DTNA: variants seen among roughly 807,000 people sequenced by gnomAD.
DTNA encodes the protein dystrobrevin alpha, also known as dystrophin-related protein 3.
DTNA carries 43 observed loss-of-function variants against 100.7 expected under a neutral mutation model. That is an observed-to-expected ratio of 0.43 (90% CI 0.33 to 0.55). DTNA has a LOEUF of 0.55. DTNA is among the 20% of genes least tolerant of loss of function. DTNA has a pLI of 0.04. For synonymous variants in DTNA, 349 were observed against 347.9 expected, an observed-to-expected ratio of 1.00 and a Z score of -0.04; for missense variants, 798 against 953.9, an observed-to-expected ratio of 0.84 and a Z score of 2.15.
intron 1 of DTNA, among the ~76,000 whole-genome samples, chr18:34,661,034 C>T (rs2075110037): frequency 6.6e-6 from 1 of 152,172 alleles, no homozygotes; most frequent in Admixed American, 6.5e-5. Context: ...CAGAGTTTGA[C>T]TCTTTTGTCA....
rs1054018483 is a variant in DTNA at position 34,772,244 on chromosome 18, A to G, written c.148+6203A>G. The stretch of plus-strand genomic sequence containing the variant: ...CAAAGAGGAGAAAAGGTCTATAATT[A>G]TATCTCGGCTGTCAGAGTTTCTCAA... On this transcript the variant is annotated intron_variant, in intron 3 of 22. Transcript: ENST00000444659. 2.0e-5 allele frequency among the ~76,000 whole-genome samples: 3 copies of G among 152,194 alleles called. No individual in the cohort carries two copies. In the East Asian group the frequency reaches 5.8e-4, roughly 29 times the overall value.
At position 34,888,357 on chromosome 18, in the gene DTNA, C is replaced by G. The variant is rs937492915; in HGVS notation, c.*623C>G. 2 of 985,588 alleles carry G rather than the reference C, an allele frequency of 2.0e-6. No individual in the cohort carries two copies. Among genetic ancestry groups the G allele is most frequent in the African/African-American group, 1.7e-5 (1 of 57,164 alleles). The allele number at this position is 985,588 out of a possible 1,614,324, so 61.1% of individuals were successfully genotyped here. ...TTCCTGAGTGTACAAACTCAGAGCC[C>G]GGAAGCCAAGAAGGGTCCTTGGCCT... On this transcript the variant is annotated 3_prime_UTR_variant, in exon 23 of 23. Coordinates refer to ENST00000444659, the MANE Select transcript of DTNA (RefSeq NM_001386795.1).
chr18:34,536,768 A>G (rs1249543153), intron 1 of DTNA, among the ~76,000 whole-genome samples: 2 of 152,066 alleles, frequency 1.3e-5, no homozygotes, highest in Admixed American at 6.6e-5. Context: ...AATTAAATAA[A>G]TAAAAACCCA....
chr18:34,537,045 C>T (rs1293413282), intron 1 of DTNA, among the ~76,000 whole-genome samples: 1 of 151,938 alleles, frequency 6.6e-6, no homozygotes, highest in African/African-American at 2.4e-5. Flanking sequence ...TTCTCCTTTG[C>T]TCTCTTGAAG....
At chr18:34,793,936 A>G (rs985253594) in intron 3 of DTNA, 101 bp from the exon 4 acceptor site, 3 of 1,231,978 alleles carry the variant, frequency 2.4e-6, no homozygotes, top group Non-Finnish European at 3.5e-6. Context: ...AGCTGCACAC[A>G]TGTGAGATAC....
chr18:34,607,809 A>G (rs2053441102), intron 1 of DTNA, among the ~76,000 whole-genome samples: 1 of 152,246 alleles, frequency 6.6e-6, no homozygotes, highest in South Asian at 2.1e-4. Context: ...CATTCACACA[A>G]TCCACTTTAT....
chr18:34,742,241 A>T (rs2090776924), intron 1 of DTNA, among the ~76,000 whole-genome samples: 1 of 152,180 alleles, frequency 6.6e-6, no homozygotes, highest in Non-Finnish European at 1.5e-5. Context: ...CTAACAAATA[A>T]CTACAAATGT....
chr18:34,835,790 G>A (rs1041307755), intron 11 of DTNA, among the ~76,000 whole-genome samples: 2 of 152,184 alleles, frequency 1.3e-5, no homozygotes, highest in Non-Finnish European at 2.9e-5. Context: ...TGTGGTTGAC[G>A]TTCCTGTGTT....
intron 1 of DTNA, among the ~76,000 whole-genome samples, chr18:34,583,503 A>G (rs779046506): frequency 7.2e-5 from 11 of 152,150 alleles, no homozygotes; most frequent in Non-Finnish European, 1.3e-4. Context: ...AGGAACTGCT[A>G]TAATGACAAC....
chr18:34,550,478 A>C (rs1330801838), intron 1 of DTNA, among the ~76,000 whole-genome samples: 2 of 152,164 alleles, frequency 1.3e-5, no homozygotes, highest in Admixed American at 6.5e-5. Context: ...CAGCTGTGTC[A>C]CATCAGGGTG....
intron 1 of DTNA, among the ~76,000 whole-genome samples, chr18:34,726,844 G>GTAGTGCCCTGGTGAGGACGCTGT (rs1296597795): frequency 6.6e-6 from 1 of 152,216 alleles, no homozygotes; most frequent in Non-Finnish European, 1.5e-5. Flanking sequence ...GCTCCACTAG[G>GTAGTGCCCTGGTGAGGACGCTGT]TAGTGCCCTG....
intron 3 of DTNA, among the ~76,000 whole-genome samples, chr18:34,769,486 G>A (rs1424213226): frequency 6.6e-6 from 1 of 152,128 alleles, no homozygotes; most frequent in Non-Finnish European, 1.5e-5. Flanking sequence ...GAAACAAAAT[G>A]TAGGTAGCAT....
chr18:34,838,635 T>G (rs2096204417), intron 12 of DTNA, 110 bp from the exon 13 acceptor site: 1 of 872,130 alleles, frequency 1.1e-6, no homozygotes, highest in Admixed American at 1.7e-5. Flanking sequence ...TTCCTTTACC[T>G]GCTTGGTTTT....
intron 1 of DTNA, among the ~76,000 whole-genome samples, chr18:34,604,118 A>C (rs1051870058): frequency 2.6e-5 from 4 of 152,170 alleles, no homozygotes; most frequent in Non-Finnish European, 4.4e-5. Flanking sequence ...AACTCCATTC[A>C]AAGAAAATCC....
intron 3 of DTNA, chr18:34,767,480 T>G (rs1408556890): frequency 1.3e-5 from 2 of 152,254 alleles, no homozygotes; most frequent in African/African-American, 4.8e-5. Context: ...TTTCATTTTC[T>G]GTGGCTTATA....
intron 1 of DTNA, among the ~76,000 whole-genome samples, chr18:34,720,957 T>C (rs1200439699): frequency 6.6e-6 from 1 of 152,238 alleles, no homozygotes; most frequent in Non-Finnish European, 1.5e-5. Flanking sequence ...TAGTTGGTTA[T>C]CTGGAGAAGT....
intron 3 of DTNA, among the ~76,000 whole-genome samples, chr18:34,787,040 C>A (rs538450798): frequency 5.0e-4 from 76 of 152,148 alleles, no homozygotes; most frequent in African/African-American, 1.6e-3. Flanking sequence ...TGTGTGGGAG[C>A]CTAAGAGATG....
chr18:34,844,361 T>G (rs1220892686), intron 13 of DTNA, among the ~76,000 whole-genome samples: 2 of 152,118 alleles, frequency 1.3e-5, no homozygotes, highest in Non-Finnish European at 2.9e-5. Flanking sequence ...GAGAGTTAGT[T>G]TCTTTCCCCA....
chr18:34,819,421 AT>A (rs1185044065), intron 8 of DTNA, among the ~76,000 whole-genome samples: 1 of 152,216 alleles, frequency 6.6e-6, no homozygotes, highest in African/African-American at 2.4e-5. Flanking sequence ...ACTGTTGTTT[AT>A]GTCATGCTGA....
Sources: allele counts gnomAD v4.1 joint callset (sites outside exome capture counted in the v4.1 genomes callset), GRCh38; gene constraint gnomAD v4.1.1; transcripts MANE v1.5; gene names NCBI Gene and HGNC (gene_info 2026-07-23, HGNC 2026-07-21).